Variants in DLC1 observed in about 807,000 individuals in gnomAD.
The protein encoded by DLC1 is DLC1 Rho GTPase activating protein.
Under a neutral mutation model 140.3 loss-of-function variants are expected in DLC1, and 54 were observed. The observed-to-expected ratio is 0.38, with a 90% confidence interval of 0.31 to 0.48. The LOEUF (loss-of-function observed/expected upper bound fraction) is 0.48, where lower values mean the gene tolerates loss of function less well. Among genes scored for constraint, DLC1 ranks in the 20% least tolerant of loss-of-function variants. The pLI is 0.96. For missense variants in DLC1, 2,536 were observed against 1,907.0 expected, an observed-to-expected ratio of 1.33 and a Z score of -6.14; for synonymous variants, 986 against 728.1, an observed-to-expected ratio of 1.35 and a Z score of -5.70.
At chr8:13,416,204 A>T (rs1838049622) in intron 2 of DLC1, among the ~76,000 whole-genome samples, 1 of 152,090 alleles carries the variant, frequency 6.6e-6, no homozygotes, top group African/African-American at 2.4e-5. Context: ...CTACATCCTA[A>T]GTTTCATGTG....
intron 5 of DLC1, among the ~76,000 whole-genome samples, chr8:13,243,356 T>A (rs934215314): frequency 6.7e-6 from 1 of 150,190 alleles, no homozygotes; most frequent in Non-Finnish European, 1.5e-5. Flanking sequence ...CCTGCCACCA[T>A]GTGAAGATGT....
At chr8:13,372,664 G>A (rs895075195) in intron 4 of DLC1, among the ~76,000 whole-genome samples, 14 of 152,008 alleles carry the variant, frequency 9.2e-5, no homozygotes, top group East Asian at 1.9e-4. Flanking sequence ...CCTCATCTTT[G>A]TGAGTAAAAA....
At chr8:13,278,103 T>C (rs1027374084) in intron 5 of DLC1, among the ~76,000 whole-genome samples, 11 of 152,228 alleles carry the variant, frequency 7.2e-5, no homozygotes, top group African/African-American at 2.7e-4. Context: ...ATGTCCCCCA[T>C]TGAGCATGTA....
At chr8:13,440,889 A>G (rs934313131) in intron 2 of DLC1, among the ~76,000 whole-genome samples, 19 of 152,258 alleles carry the variant, frequency 1.2e-4, no homozygotes, top group Non-Finnish European at 2.6e-4. Context: ...GTGGAACTGT[A>G]AATCCAATTA....
At chr8:13,579,211 A>G (rs1406834248) in intron 1 of DLC1, among the ~76,000 whole-genome samples, 1 of 123,734 alleles carries the variant, frequency 8.1e-6, no homozygotes, top group African/African-American at 3.0e-5. Context: ...CGCCGCATAA[A>G]AGGTGTAAGG....
Position 13,474,413 on chromosome 8 carries a change from G to C in DLC1, c.1023+24636C>G, listed in dbSNP as rs377236377. On this transcript the variant is annotated intron_variant, in intron 2 of 17. Coordinates refer to ENST00000276297, the MANE Select transcript of DLC1 (RefSeq NM_182643.3). ...GGTGAGGCCCTCCTGGAGAACTTCTGCTAGGGCAGTGCAGAAGGAAAATGT... is the reference window on the plus strand; with the variant it reads ...GGTGAGGCCCTCCTGGAGAACTTCTCCTAGGGCAGTGCAGAAGGAAAATGT... 4.4e-3 allele frequency among the ~76,000 whole-genome samples: 671 copies of C among 152,316 alleles called. 10 individuals are homozygous for C. The South Asian group carries it at 0.056, about 13-fold the overall frequency.
intron 7 of DLC1, among the ~76,000 whole-genome samples, chr8:13,107,298 G>C (rs1335647384): frequency 6.6e-6 from 1 of 152,136 alleles, no homozygotes; most frequent in African/African-American, 2.4e-5. Flanking sequence ...CTTACTTCTT[G>C]ACCAAAGGAG....
intron 8 of DLC1, among the ~76,000 whole-genome samples, chr8:13,101,983 C>T (rs1044062084): frequency 6.6e-6 from 1 of 152,072 alleles, no homozygotes; most frequent in Admixed American, 6.5e-5. Context: ...AAGCATGGAG[C>T]GCTGGCTTCT....
intron 2 of DLC1, among the ~76,000 whole-genome samples, chr8:13,439,650 A>G (rs1347793507): frequency 6.6e-6 from 1 of 152,122 alleles, no homozygotes; most frequent in Non-Finnish European, 1.5e-5. Flanking sequence ...TAGACCAGTT[A>G]TTATTCTCTA....
intron 5 of DLC1, among the ~76,000 whole-genome samples, chr8:13,177,943 C>T (rs926457732): frequency 1.3e-5 from 2 of 152,084 alleles, no homozygotes; most frequent in African/African-American, 4.8e-5. Context: ...GGGGACTTGA[C>T]ACTTAAACTA....
chr8:13,595,864 A>G (rs1385390325), intron 1 of DLC1, among the ~76,000 whole-genome samples: 1 of 151,990 alleles, frequency 6.6e-6, no homozygotes, highest in African/African-American at 2.4e-5. Flanking sequence ...TTTCCAATAA[A>G]TCTTGTAGGC....
chr8:13,474,676 T>A (rs1237332650), intron 2 of DLC1, among the ~76,000 whole-genome samples: 2 of 152,190 alleles, frequency 1.3e-5, no homozygotes, highest in African/African-American at 4.8e-5. Flanking sequence ...GGAACACACC[T>A]CTTGCACCAG....
chr8:13,267,010 G>T (rs1319965925), intron 5 of DLC1, among the ~76,000 whole-genome samples: 2 of 152,074 alleles, frequency 1.3e-5, no homozygotes, highest in Non-Finnish European at 2.9e-5. Flanking sequence ...CATTTGTCCA[G>T]CCACGAGCTA....
At chr8:13,582,878 CTATATATATATATATATA>C (rs55681527) in intron 1 of DLC1, among the ~76,000 whole-genome samples, 13,359 of 103,118 alleles carry the variant, frequency 0.13, 928 homozygotes, top group Middle Eastern at 0.24. Flanking sequence ...ATACTGTGGT[CTATATATATATATATATA>C]TATATATATA....
At chr8:13,517,464 A>C (rs1802626297), upstream of DLC1, among the ~76,000 whole-genome samples, 1 of 152,212 alleles carries the variant, frequency 6.6e-6, no homozygotes, top group African/African-American at 2.4e-5. Flanking sequence ...TACTTCCCAA[A>C]TCTTTAATTA....
chr8:13,378,547 T>G (rs1303385696), intron 4 of DLC1, among the ~76,000 whole-genome samples: 1 of 152,168 alleles, frequency 6.6e-6, no homozygotes, highest in East Asian at 1.9e-4. Flanking sequence ...AAAAGATTCT[T>G]CTACAGATAC....
chr8:13,567,025 A>G, intron 1 of DLC1: 1 of 1,551,160 alleles, frequency 6.4e-7, no homozygotes, highest in Non-Finnish European at 8.7e-7. Flanking sequence ...CCAAACGGAC[A>G]AAAGTGCTCT....
At chr8:13,399,200 G>A (rs289577) in intron 3 of DLC1, among the ~76,000 whole-genome samples, 53,626 of 152,000 alleles carry the variant, frequency 0.35, 10,095 homozygotes, top group East Asian at 0.77. Flanking sequence ...TCAAAAATAT[G>A]TCATTATTAG....
At chr8:13,390,984 C>CAAAAAAAAAAA (rs1430798740) in intron 4 of DLC1, among the ~76,000 whole-genome samples, 9,308 of 68,402 alleles carry the variant, frequency 0.14, 522 homozygotes, top group Non-Finnish European at 0.18. Context: ...GACTCCGTCT[C>CAAAAAAAAAAA]AAAAAAAAAA....
Sources: gnomAD v4.1 joint callset for allele counts (sites outside exome capture counted in the v4.1 genomes callset) on GRCh38, gnomAD v4.1.1 for gene constraint, MANE v1.5 for transcripts, NCBI Gene and HGNC (gene_info 2026-07-23, HGNC 2026-07-21) for gene names.